The following NEMP1 variants were observed in gnomAD, a reference collection of about 807,000 sequenced individuals.
NEMP1 encodes transmembrane protein 194.
Under a neutral mutation model 53.7 loss-of-function variants are expected in NEMP1, and 29 were observed. That is an observed-to-expected ratio of 0.54 (90% CI 0.40 to 0.74). The LOEUF (loss-of-function observed/expected upper bound fraction) is 0.74, where lower values mean the gene tolerates loss of function less well. Ranked by LOEUF, NEMP1 falls within the 30% of genes least tolerant of loss-of-function variation. NEMP1 has a pLI of 0.00. For synonymous variants in NEMP1, 193 were observed against 192.9 expected (o/e 1.00, Z 0.00); for missense variants, 477 against 528.6 (o/e 0.90, Z 0.96).
At chr12:57,075,459 C>T (rs2136514151) in intron 1 of NEMP1, among the ~76,000 whole-genome samples, 1 of 149,700 alleles carries the variant, frequency 6.7e-6, no homozygotes, top group Admixed American at 6.7e-5. Context: ...CACACCACTG[C>T]ACTCCGGCCT....
intron 2 of NEMP1, 72 bp from the exon 3 acceptor site, chr12:57,070,965 T>TA (rs2032318960): frequency 6.2e-6 from 8 of 1,294,300 alleles, no homozygotes; most frequent in Non-Finnish European, 8.6e-6. Flanking sequence ...TACAATTTTT[T>TA]AAAAAACCCT....
chr12:57,074,395 G>A (rs540649972), intron 1 of NEMP1, among the ~76,000 whole-genome samples: 6 of 150,512 alleles, frequency 4.0e-5, no homozygotes, highest in African/African-American at 9.8e-5. Context: ...AGGTTCCAGC[G>A]ATTCTCCCAC....
At chr12:57,075,086 C>A (rs1241464346) in intron 1 of NEMP1, among the ~76,000 whole-genome samples, 2 of 143,786 alleles carry the variant, frequency 1.4e-5, no homozygotes, top group African/African-American at 5.2e-5. Flanking sequence ...AAGACTACGT[C>A]TCAAAAAAAT....
chr12:57,082,044 C>G (rs2032863046), upstream of NEMP1, among the ~76,000 whole-genome samples: 1 of 151,926 alleles, frequency 6.6e-6, no homozygotes. Context: ...TAGTGAAACC[C>G]CGTCTCTACT....
In NEMP1 at chr12:57,058,876, G is replaced by T. The variant is rs2031657709; in HGVS notation, c.*1003C>A. 6.6e-6 allele frequency: 1 copy of T among 152,204 alleles called. No homozygotes were observed. The highest frequency in any genetic ancestry group is 2.1e-4 in the South Asian group (1 of 4,830). The allele number at this position is 152,204 out of a possible 1,614,324, so 9.4% of individuals were successfully genotyped here. On this transcript the variant is annotated 3_prime_UTR_variant, in exon 9 of 9. Coordinates refer to ENST00000300128, the MANE Select transcript of NEMP1 (RefSeq NM_001130963.2). ...GGAAAGGAAAAGGAGACAGTTTCCT[G>T]ATTTCATAGCAACTCAAAGATAACA...
chr12:57,082,705 T>C (rs2032881000), upstream of NEMP1, among the ~76,000 whole-genome samples: 1 of 151,914 alleles, frequency 6.6e-6, no homozygotes, highest in South Asian at 2.1e-4. Flanking sequence ...GAGTAAGACC[T>C]TGTTGCTAAA....
intron 5 of NEMP1, 41 bp downstream of exon 5, chr12:57,064,605 C>A (rs1476181352): frequency 6.8e-7 from 1 of 1,480,216 alleles, no homozygotes; most frequent in South Asian, 1.2e-5. Flanking sequence ...CTTCAGCTAT[C>A]CAAATTCATT....
chr12:57,075,508 A>C (rs1180564596), intron 1 of NEMP1, among the ~76,000 whole-genome samples: 4 of 147,368 alleles, frequency 2.7e-5, no homozygotes, highest in African/African-American at 7.7e-5. Flanking sequence ...ATCAATAAAT[A>C]AATAAATAAA....
chr12:57,063,883 C>T (rs1236627967), intron 6 of NEMP1, among the ~76,000 whole-genome samples, 188 bp downstream of exon 6: 1 of 152,036 alleles, frequency 6.6e-6, no homozygotes, highest in Non-Finnish European at 1.5e-5. Flanking sequence ...CTTAACAGCA[C>T]CATTCTAATT....
At chr12:57,061,287 TTA>T (rs2031788636) in intron 7 of NEMP1, among the ~76,000 whole-genome samples, 1 of 152,170 alleles carries the variant, frequency 6.6e-6, no homozygotes, top group African/African-American at 2.4e-5. Context: ...AAGTAAAAAA[TTA>T]TAGTCAATAT....
chr12:57,082,780 G>A (rs1306330453), upstream of NEMP1, among the ~76,000 whole-genome samples: 1 of 152,032 alleles, frequency 6.6e-6, no homozygotes, highest in African/African-American at 2.4e-5. Context: ...GGGAGGCCGA[G>A]GCAGGTGGAT....
Position 57,075,261 on chromosome 12 carries a change from G to A in NEMP1, c.128-2349C>T, listed in dbSNP as rs1263208830. 4.0e-5 allele frequency among the ~76,000 whole-genome samples: 6 copies of A among 150,392 alleles called. No individual in the cohort carries two copies. The South Asian group carries it at 6.3e-4, about 16-fold the overall frequency. On this transcript the variant is annotated intron_variant, in intron 1 of 8. Transcript: ENST00000300128. ...AAATTAGCTGGGTACGGTGGCGGGC[G>A]CCTGTAGTCCCAGCTACTTGGGAGG...
intron 7 of NEMP1, 22 bp downstream of exon 7, chr12:57,063,097 A>C: frequency 6.4e-7 from 1 of 1,573,060 alleles, no homozygotes; most frequent in Non-Finnish European, 8.8e-7. Flanking sequence ...GTCAATATTA[A>C]GTTACATTGC....
chr12:57,073,243 G>A (rs551128570), intron 1 of NEMP1, among the ~76,000 whole-genome samples: 1 of 150,828 alleles, frequency 6.6e-6, no homozygotes, highest in Non-Finnish European at 1.5e-5. Context: ...TGCAAGCTCC[G>A]CCCCCTGGGT....
intron 1 of NEMP1, among the ~76,000 whole-genome samples, chr12:57,086,454 AG>A (rs2032995036): frequency 6.6e-6 from 1 of 152,136 alleles, no homozygotes; most frequent in Non-Finnish European, 1.5e-5. Context: ...AAGGGGACAC[AG>A]GGGAGAACAG....
intron 1 of NEMP1, among the ~76,000 whole-genome samples, chr12:57,073,251 G>C (rs1182954085): frequency 6.6e-6 from 1 of 151,786 alleles, no homozygotes; most frequent in African/African-American, 2.4e-5. Flanking sequence ...CCGCCCCCTG[G>C]GTTCACGCCA....
chr12:57,065,169 G>C (rs402923), intron 4 of NEMP1, among the ~76,000 whole-genome samples: 6 of 152,162 alleles, frequency 3.9e-5, no homozygotes, highest in East Asian at 1.9e-4. Flanking sequence ...CTGAAGGCTG[G>C]AGTGGCTGTG....
Position 57,064,546 on chromosome 12 carries a change from G to C in NEMP1, c.639+100C>G, listed in dbSNP as rs1366797660. On this transcript the variant is annotated intron_variant, in intron 5 of 8. Coordinates refer to ENST00000300128, the MANE Select transcript of NEMP1 (RefSeq NM_001130963.2). ...AGGAGAGTAGGATATTGACTCATCA[G>C]CCATCAATACACATTTTCAGTTTTC... The C allele has an allele frequency of 3.7e-6, 3 of 815,968 alleles. No homozygotes were observed. In the African/African-American group the frequency reaches 5.2e-5, roughly 14 times the overall value. The allele number at this position is 815,968 out of a possible 1,614,324, so 50.5% of individuals were successfully genotyped here.
At chr12:57,085,883 A>G (rs2032976147) in intron 1 of NEMP1, among the ~76,000 whole-genome samples, 1 of 152,242 alleles carries the variant, frequency 6.6e-6, no homozygotes, top group Admixed American at 6.5e-5. Flanking sequence ...AATCTGTGTC[A>G]TGTGCCCTTT....
Sources: allele counts gnomAD v4.1 joint callset (sites outside exome capture counted in the v4.1 genomes callset), GRCh38; gene constraint gnomAD v4.1.1; transcripts MANE v1.5; gene names NCBI Gene and HGNC (gene_info 2026-07-23, HGNC 2026-07-21).